Variants in SLC9A4 observed in about 807,000 individuals in gnomAD.
The protein encoded by SLC9A4 is sodium/hydrogen exchanger 4.
In SLC9A4, 63 loss-of-function variants were observed where a neutral mutation model predicts 67.4. The observed-to-expected ratio is 0.93, with a 90% CI of 0.76 to 1.15. The LOEUF (loss-of-function observed/expected upper bound fraction) is 1.15. Among genes scored for constraint, SLC9A4 ranks in the 50% most tolerant of loss-of-function variants. The pLI is 0.00. For missense variants in SLC9A4, 1,089 were observed against 987.7 expected, an observed-to-expected ratio of 1.10 and a Z score of -1.38; for synonymous variants, 393 against 367.2, an observed-to-expected ratio of 1.07 and a Z score of -0.80.
At chr2:102,524,979 G>C (rs373112713) in intron 9 of SLC9A4, 45 bp from the exon 10 acceptor site, 1 of 1,610,074 alleles carries the variant, frequency 6.2e-7, no homozygotes, top group East Asian at 2.2e-5. Flanking sequence ...GCTGAAAGTT[G>C]TATGGAGGAG....
chr2:102,503,369 A>G lies in SLC9A4; in HGVS notation c.721-79A>G, dbSNP rs1684983171. ...ATTTTTGTGTATTACTTAACTAGAC[A>G]CAAAGCTGAGAATGTGCATGCAAAG... On this transcript the variant is annotated intron_variant, in intron 2 of 11. Coordinates refer to ENST00000295269, the MANE Select transcript of SLC9A4 (RefSeq NM_001011552.4). The G allele has an allele frequency of 4.5e-6, 6 of 1,327,582 alleles. No individual in the cohort carries two copies. The South Asian group carries it at 7.8e-5, about 17-fold the overall frequency. 82.2% of individuals were successfully genotyped at this position (1,327,582 alleles called of 1,614,324 possible). A position where few individuals can be genotyped will look rare whatever the true frequency, so the allele number is the denominator to read the frequency against.
intron 1 of SLC9A4, among the ~76,000 whole-genome samples, chr2:102,476,800 TGAA>T (rs945659311): frequency 2.7e-5 from 4 of 149,062 alleles, no homozygotes; most frequent in Non-Finnish European, 5.9e-5. Context: ...AAAGAGAAGA[TGAA>T]GAAGGAGGAG....
chr2:102,480,672 C>A (rs1265331674), intron 2 of SLC9A4, among the ~76,000 whole-genome samples: 2 of 152,134 alleles, frequency 1.3e-5, no homozygotes, highest in Non-Finnish European at 2.9e-5. Flanking sequence ...AGTGAAATTT[C>A]CAGTTTAAAC....
chr2:102,474,313 G>T (rs938710261), intron 1 of SLC9A4, among the ~76,000 whole-genome samples: 5 of 152,144 alleles, frequency 3.3e-5, no homozygotes, highest in Admixed American at 3.3e-4. Context: ...CAAATTCTAT[G>T]CTTTAAAAAT....
intron 2 of SLC9A4, among the ~76,000 whole-genome samples, chr2:102,485,257 C>G (rs1166621278): frequency 6.6e-6 from 1 of 152,186 alleles, no homozygotes; most frequent in Non-Finnish European, 1.5e-5. Context: ...TATTCATTCA[C>G]TAGAGTTTAT....
Position 102,514,076 on chromosome 2 carries a change from G to T in SLC9A4, c.1560-14G>T. The T allele has an allele frequency of 6.2e-7, 1 of 1,608,120 alleles. No individual in the cohort carries two copies. Among genetic ancestry groups the T allele is most frequent in the Non-Finnish European group, 8.5e-7 (1 of 1,177,932 alleles). On this transcript the variant is annotated splice_polypyrimidine_tract_variant and intron_variant, in intron 7 of 11. Coordinates refer to ENST00000295269, the MANE Select transcript of SLC9A4 (RefSeq NM_001011552.4). ...GACGTTCAAGATTTCCAAAATGTTG[G>T]TTTTCATTTTTAGGTTTAAGAAGTT...
chr2:102,483,841 T>TATATATATACACAC (rs370126753), intron 2 of SLC9A4, among the ~76,000 whole-genome samples: 19 of 126,780 alleles, frequency 1.5e-4, no homozygotes, highest in African/African-American at 5.0e-4. Context: ...TATATATATA[T>TATATATATACACAC]ACACACACAC....
chr2:102,483,700 C>G (rs913133250), intron 2 of SLC9A4, among the ~76,000 whole-genome samples: 2 of 150,646 alleles, frequency 1.3e-5, no homozygotes, highest in African/African-American at 2.4e-5. Context: ...ACCCAGATAG[C>G]TTTAGTGTCC....
chr2:102,497,576 C>A (rs571538767), intron 2 of SLC9A4, among the ~76,000 whole-genome samples: 1 of 151,852 alleles, frequency 6.6e-6, no homozygotes, highest in South Asian at 2.1e-4. Context: ...TAAATAAGCC[C>A]GAAAAAAGGA....
Position 102,532,630 on chromosome 2 carries a change from A to G in SLC9A4, c.2339A>G (p.Asp780Gly). The change falls in exon 12 of 12, where the codon GAC becomes GGC. Residue 780 changes from aspartate to glycine, a missense_variant. Physicochemically the swap from Asp to Gly is moderately conservative, Grantham distance 94. Coordinates refer to ENST00000295269, the MANE Select transcript of SLC9A4 (RefSeq NM_001011552.4). ...LVEVRSRWTA[D>G]HGHGRDHHRS... ...GAGGTTCGGTCGAGGTGGACAGCTGACCATGGACACGGCAGGGACCATCAC... is the reference window on the plus strand; with the variant it reads ...GAGGTTCGGTCGAGGTGGACAGCTGGCCATGGACACGGCAGGGACCATCAC... 6.2e-7 allele frequency: 1 copy of G among 1,614,062 alleles called. No individual in the cohort carries two copies.
intron 1 of SLC9A4, 55 bp from the exon 2 acceptor site, chr2:102,478,784 G>A (rs1684386823): frequency 2.6e-6 from 4 of 1,552,220 alleles, no homozygotes; most frequent in Non-Finnish European, 2.6e-6. Context: ...AAGACCTCAG[G>A]TACACCCAGA....
intron 2 of SLC9A4, among the ~76,000 whole-genome samples, chr2:102,490,665 C>A (rs1002510348): frequency 6.6e-6 from 1 of 152,100 alleles, no homozygotes; most frequent in African/African-American, 2.4e-5. Flanking sequence ...CTCAGGAACC[C>A]AGGAATAATA....
intron 8 of SLC9A4, 115 bp from the exon 9 acceptor site, chr2:102,519,744 A>G: frequency 1.2e-6 from 1 of 822,976 alleles, no homozygotes; most frequent in Non-Finnish European, 1.8e-6. Flanking sequence ...AATTATATGT[A>G]GGATTCTGGA....
intron 3 of SLC9A4, among the ~76,000 whole-genome samples, chr2:102,504,837 GT>G (rs528507475): frequency 2.0e-5 from 3 of 152,320 alleles, no homozygotes; most frequent in African/African-American, 7.2e-5. Flanking sequence ...TGTCTTAGAA[GT>G]TTTGATCATT....
chr2:102,526,535 G>A (rs7576324), intron 11 of SLC9A4, among the ~76,000 whole-genome samples, 189 bp downstream of exon 11: 25,582 of 152,108 alleles, frequency 0.17, 2,785 homozygotes, highest in African/African-American at 0.3. Context: ...TTTGAATTTC[G>A]TATAATTTTT....
chr2:102,473,835 G>A lies in SLC9A4; in HGVS notation c.76G>A (p.Ala26Thr), dbSNP rs1390400622. The stretch of plus-strand genomic sequence containing the variant: ...GCTAGTGGCTCTTGAGTGTTCTGAA[G>A]CATCTTCTGATTTGAATGAATCTGC... ...LLLVALECSE[A>T]SSDLNESANS... The change falls in exon 1 of 12, where the codon GCA becomes ACA. Residue 26 changes from alanine to threonine, a missense_variant. Coordinates refer to ENST00000295269, the MANE Select transcript of SLC9A4 (RefSeq NM_001011552.4). 6.2e-7 allele frequency: 1 copy of A among 1,614,104 alleles called. No homozygotes were observed. The highest frequency in any genetic ancestry group is 1.7e-5 in the Admixed American group (1 of 60,028).
chr2:102,473,886 A>G lies in SLC9A4; in HGVS notation c.127A>G (p.Asn43Asp), dbSNP rs1684273308. The stretch of plus-strand genomic sequence containing the variant: ...AAATTCCACTGCTCAGTATGCATCT[A>G]ACGCTTGGTTTGCTGCTGCCAGCTC... The part of the protein sequence containing the change: ...SANSTAQYAS[N>D]AWFAAASSEP... The change falls in exon 1 of 12, where the codon AAC (asparagine) becomes GAC (aspartate). Residue 43 changes from asparagine to aspartate, a missense_variant. By Grantham distance (23) the Asn-to-Asp change is conservative (BLOSUM62 1). Coordinates refer to ENST00000295269, the MANE Select transcript of SLC9A4 (RefSeq NM_001011552.4). 1.9e-6 allele frequency: 3 copies of G among 1,614,144 alleles called. No individual in the cohort carries two copies. The highest frequency in any genetic ancestry group is 4.5e-5 in the East Asian group (2 of 44,878).
At chr2:102,496,089 T>G (rs1470122516) in intron 2 of SLC9A4, among the ~76,000 whole-genome samples, 1 of 152,080 alleles carries the variant, frequency 6.6e-6, no homozygotes, top group Non-Finnish European at 1.5e-5. Flanking sequence ...AAAAGCAAGC[T>G]ACATATGAAA....
At chr2:102,494,014 TG>T (rs1684757234) in intron 2 of SLC9A4, among the ~76,000 whole-genome samples, 1 of 151,888 alleles carries the variant, frequency 6.6e-6, no homozygotes, top group South Asian at 2.1e-4. Context: ...TCAGATGCTA[TG>T]TCATAGAATT....
Sources: allele counts gnomAD v4.1 joint callset (sites outside exome capture counted in the v4.1 genomes callset), GRCh38; gene constraint gnomAD v4.1.1; transcripts MANE v1.5; gene names NCBI Gene and HGNC (gene_info 2026-07-23, HGNC 2026-07-21).